RSU1: variants seen among roughly 807,000 people sequenced by gnomAD.
RSU1 encodes rsu-1.
In RSU1, 26 loss-of-function variants were observed where a neutral mutation model predicts 31.1. The observed-to-expected ratio is 0.84, with a 90% CI of 0.61 to 1.16. The LOEUF is 1.16. Ranked by LOEUF, RSU1 falls within the 50% of genes most tolerant of loss-of-function variation. The pLI is 0.00. For missense variants in RSU1, 320 were observed against 339.1 expected (o/e 0.94, Z 0.44); for synonymous variants, 164 against 136.3 (o/e 1.20, Z -1.41).
chr10:16,719,176 C>T (rs901725922), intron 7 of RSU1, among the ~76,000 whole-genome samples: 27 of 152,000 alleles, frequency 1.8e-4, no homozygotes, highest in Admixed American at 1.3e-3. Flanking sequence ...AGTGTGGTGG[C>T]GCATGCCTCT....
chr10:16,736,741 A>G (rs1836636143), intron 7 of RSU1, among the ~76,000 whole-genome samples: 1 of 152,172 alleles, frequency 6.6e-6, no homozygotes, highest in Non-Finnish European at 1.5e-5. Context: ...CAGAAATTAC[A>G]TTACCAGATA....
At chr10:16,659,163 T>A (rs913576996) in intron 8 of RSU1, among the ~76,000 whole-genome samples, 1 of 152,248 alleles carries the variant, frequency 6.6e-6, no homozygotes, top group Non-Finnish European at 1.5e-5. Context: ...GTGGCTTGCA[T>A]CTTTTCAACT....
chr10:16,712,453 G>A (rs141409514), intron 7 of RSU1, among the ~76,000 whole-genome samples: 226 of 151,976 alleles, frequency 1.5e-3, no homozygotes, highest in Non-Finnish European at 2.2e-3. Context: ...TCTGTGCTGC[G>A]AAGTTTTGTT....
chr10:16,747,582 C>T (rs766436903), intron 7 of RSU1, among the ~76,000 whole-genome samples: 1 of 152,184 alleles, frequency 6.6e-6, no homozygotes, highest in Non-Finnish European at 1.5e-5. Flanking sequence ...AGTATCCGAC[C>T]ATTACTTCTA....
At chr10:16,636,329 G>A (rs1834344389) in intron 8 of RSU1, among the ~76,000 whole-genome samples, 1 of 151,424 alleles carries the variant, frequency 6.6e-6, no homozygotes, top group South Asian at 2.1e-4. Flanking sequence ...CATTCTTCAA[G>A]TCGCTCAGCT....
At chr10:16,686,789 C>T (rs58770567) in intron 8 of RSU1, among the ~76,000 whole-genome samples, 21,632 of 152,076 alleles carry the variant, frequency 0.14, 1,709 homozygotes, top group Middle Eastern at 0.2. Context: ...TAAAGTCCTA[C>T]GGAAAAGCCT....
intron 7 of RSU1, among the ~76,000 whole-genome samples, chr10:16,713,105 GTGTGA>G (rs1836056999): frequency 6.6e-6 from 1 of 152,172 alleles, no homozygotes; most frequent in Admixed American, 6.5e-5. Context: ...ATTCCCTTGT[GTGTGA>G]TGTGACACTG....
At chr10:16,595,861 C>A (rs1245820913) in intron 8 of RSU1, among the ~76,000 whole-genome samples, 3 of 152,102 alleles carry the variant, frequency 2.0e-5, no homozygotes, top group South Asian at 4.2e-4. Flanking sequence ...CCCAGCTACT[C>A]AGGAGGCTGA....
rs781319211 is a variant in RSU1, at chr10:16,764,514, T to C, written c.161-4A>G. 76 of 1,611,810 alleles carry C rather than the reference T, an allele frequency of 4.7e-5. No homozygotes were observed. The highest frequency in any genetic ancestry group is 6.3e-5 in the Non-Finnish European group (74 of 1,179,036). On this transcript the variant is annotated splice_polypyrimidine_tract_variant and splice_region_variant and intron_variant, in intron 3 of 8. Transcript: ENST00000345264. ...TCTGCGATGTTCGGTGGCACCACTA[T>C]GGAAACAAAAATGCTGAGTGTGAAT...
intron 7 of RSU1, among the ~76,000 whole-genome samples, chr10:16,744,895 C>T (rs1172874444): frequency 1.3e-5 from 2 of 152,168 alleles, no homozygotes; most frequent in African/African-American, 4.8e-5. Flanking sequence ...TTTTCCCTCG[C>T]TTTTCTCTTC....
At chr10:16,706,899 A>C (rs987625292) in intron 7 of RSU1, among the ~76,000 whole-genome samples, 2 of 152,012 alleles carry the variant, frequency 1.3e-5, no homozygotes, top group Admixed American at 6.6e-5. Context: ...CGCCCCTCCC[A>C]GTCTCTGGTA....
chr10:16,745,674 A>C lies in RSU1; in HGVS notation c.598+6865T>G, dbSNP rs182495260. ...AGTCATCTCCCACCAGGTCCCTCCC[A>C]CAACGCGTGGGAATTATGGGAGCTA... On this transcript the variant is annotated intron_variant, in intron 7 of 8. Coordinates refer to ENST00000345264, the MANE Select transcript of RSU1 (RefSeq NM_012425.4). Among the ~76,000 whole-genome samples, 386 of 152,262 alleles carry C rather than the reference A, an allele frequency of 2.5e-3. 1 individual carries two copies. Among genetic ancestry groups the C allele is most frequent in the African/African-American group, 9.0e-3 (375 of 41,564 alleles).
intron 2 of RSU1, among the ~76,000 whole-genome samples, chr10:16,790,366 C>T (rs983008077): frequency 3.3e-5 from 5 of 152,160 alleles, no homozygotes; most frequent in African/African-American, 4.8e-5. Context: ...ATAAGCTACA[C>T]GACCACACAA....
chr10:16,814,052 A>G lies in RSU1; in HGVS notation c.109+2921T>C, dbSNP rs550010927. 8.5e-5 allele frequency among the ~76,000 whole-genome samples: 13 copies of G among 152,360 alleles called. No individual in the cohort carries two copies. The East Asian group carries it at 2.5e-3, about 29-fold the overall frequency. On this transcript the variant is annotated intron_variant, in intron 2 of 8. Coordinates refer to ENST00000345264, the MANE Select transcript of RSU1 (RefSeq NM_012425.4). ...ATAAAGGGAAAACTTGAGATGCAAG[A>G]AACAGCTATTCTCTGTACATACAAG...
At chr10:16,763,294 C>T (rs1288855123) in intron 4 of RSU1, among the ~76,000 whole-genome samples, 2 of 152,144 alleles carry the variant, frequency 1.3e-5, no homozygotes, top group Non-Finnish European at 2.9e-5. Context: ...TTAACCGACT[C>T]GTGGTTCTAC....
At chr10:16,670,299 G>A (rs1420012369) in intron 8 of RSU1, among the ~76,000 whole-genome samples, 1 of 152,148 alleles carries the variant, frequency 6.6e-6, no homozygotes, top group Non-Finnish European at 1.5e-5. Flanking sequence ...CTACATAATC[G>A]TACATGCTAA....
chr10:16,685,567 T>C (rs970031009), intron 8 of RSU1, among the ~76,000 whole-genome samples: 1 of 149,296 alleles, frequency 6.7e-6, no homozygotes, highest in African/African-American at 2.6e-5. Flanking sequence ...TGCCATGGCA[T>C]TTCTAAGCTG....
At chr10:16,663,382 A>AT (rs1402816825) in intron 8 of RSU1, among the ~76,000 whole-genome samples, 1 of 152,158 alleles carries the variant, frequency 6.6e-6, no homozygotes, top group Non-Finnish European at 1.5e-5. Flanking sequence ...ATGGATTACT[A>AT]TTTAAGGTTG....
intron 7 of RSU1, among the ~76,000 whole-genome samples, chr10:16,724,919 A>G (rs1395267483): frequency 2.6e-5 from 4 of 152,256 alleles, no homozygotes; most frequent in Non-Finnish European, 5.9e-5. Flanking sequence ...AAGAAGCCAG[A>G]AAGCATACTG....
Sources: allele counts gnomAD v4.1 joint callset (sites outside exome capture counted in the v4.1 genomes callset), GRCh38; gene constraint gnomAD v4.1.1; transcripts MANE v1.5; gene names NCBI Gene and HGNC (gene_info 2026-07-23, HGNC 2026-07-21).